PAX7: variants seen among roughly 807,000 people sequenced by gnomAD.
PAX7 encodes the protein paired box protein Pax-7.
Under a neutral mutation model 50.7 loss-of-function variants are expected in PAX7, and 18 were observed. That is an observed-to-expected ratio of 0.36 (90% CI 0.25 to 0.53). PAX7 has a LOEUF of 0.53. Among genes scored for constraint, PAX7 ranks in the 20% least tolerant of loss-of-function variants. The probability of loss-of-function intolerance (pLI) is 0.93; values close to 1 mark genes in which losing one functional copy is unlikely to be tolerated. For missense variants in PAX7, 644 were observed against 702.9 expected (o/e 0.92, Z 0.95); for synonymous variants, 310 against 290.4 (o/e 1.07, Z -0.69).
chr1:18,645,148 G>C (rs2088317700), intron 4 of PAX7, among the ~76,000 whole-genome samples: 2 of 152,200 alleles, frequency 1.3e-5, no homozygotes, highest in Admixed American at 1.3e-4. Context: ...GTGCGCGCGC[G>C]CGCGTGCGTG....
At chr1:18,655,609 C>A (rs183047337) in intron 4 of PAX7, among the ~76,000 whole-genome samples, 1 of 152,334 alleles carries the variant, frequency 6.6e-6, no homozygotes, top group East Asian at 1.9e-4. Context: ...GGTTTCCAGG[C>A]CTGTCAGCTG....
intron 7 of PAX7, among the ~76,000 whole-genome samples, chr1:18,704,233 G>GT (rs1182597923): frequency 6.6e-6 from 1 of 152,204 alleles, no homozygotes; most frequent in African/African-American, 2.4e-5. Flanking sequence ...CCAGCTCCCT[G>GT]TTTTTTGTAA....
At chr1:18,654,548 G>A (rs1218006156) in intron 4 of PAX7, among the ~76,000 whole-genome samples, 3 of 152,204 alleles carry the variant, frequency 2.0e-5, no homozygotes, top group Admixed American at 1.3e-4. Flanking sequence ...TTCCCAGCGA[G>A]TGGCAAGGTG....
At chr1:18,698,990 G>A (rs1031424140) in intron 5 of PAX7, among the ~76,000 whole-genome samples, 2 of 152,216 alleles carry the variant, frequency 1.3e-5, no homozygotes, top group Non-Finnish European at 2.9e-5. Context: ...GGTGCCAGGG[G>A]AGGTGGCGGC....
intron 6 of PAX7, among the ~76,000 whole-genome samples, chr1:18,702,003 C>G (rs941137220): frequency 1.3e-5 from 2 of 152,084 alleles, no homozygotes; most frequent in Admixed American, 6.5e-5. Context: ...CCCAGAAGCC[C>G]TGTCCCAGCA....
intron 4 of PAX7, among the ~76,000 whole-genome samples, chr1:18,665,169 T>A (rs2088651084): frequency 1.3e-5 from 2 of 152,002 alleles, no homozygotes; most frequent in South Asian, 4.2e-4. Flanking sequence ...GTTAGCAGCT[T>A]ATTATTATTT....
intron 7 of PAX7, among the ~76,000 whole-genome samples, chr1:18,725,133 TC>T (rs1327762464): frequency 1.3e-5 from 2 of 152,244 alleles, no homozygotes; most frequent in Non-Finnish European, 2.9e-5. Context: ...GGGATTTTGT[TC>T]CTGGGAGGGG....
intron 3 of PAX7, among the ~76,000 whole-genome samples, chr1:18,635,533 G>GGAAGGAAGGAAGGAAGGAAGGAAGGAAA (rs1557499981): frequency 2.0e-5 from 3 of 150,980 alleles, no homozygotes; most frequent in Non-Finnish European, 4.4e-5. Context: ...AAGGAAAGAA[G>GGAAGGAAGGAAGGAAGGAAGGAAGGAAA]GAAGGAAGGA....
At chr1:18,716,217 GT>G (rs1228274730) in intron 7 of PAX7, among the ~76,000 whole-genome samples, 1 of 152,220 alleles carries the variant, frequency 6.6e-6, no homozygotes, top group Non-Finnish European at 1.5e-5. Context: ...CCTGGGTCGG[GT>G]CCCCCAGGAC....
In PAX7 at chr1:18,748,706, G is replaced by A. The variant is rs182201648; in HGVS notation, c.*3777G>A. ...GGGGTGTGTGCGTGGGCGTGTGGGC[G>A]TGAGGTGTGTGTTTAAATATAATCA... On this transcript the variant is annotated 3_prime_UTR_variant, in exon 9 of 9. Transcript: ENST00000420770. 4.3e-5 allele frequency: 10 copies of A among 231,846 alleles called. No homozygotes were observed. The highest frequency in any genetic ancestry group is 1.1e-4 in the African/African-American group (5 of 45,318). The allele number at this position is 231,846 out of a possible 1,614,324, so 14.4% of individuals were successfully genotyped here.
At chr1:18,656,483 G>A (rs368725712) in intron 4 of PAX7, among the ~76,000 whole-genome samples, 1 of 151,782 alleles carries the variant, frequency 6.6e-6, no homozygotes, top group Non-Finnish European at 1.5e-5. Flanking sequence ...CTGGGTGACA[G>A]AGTGACGCTG....
chr1:18,639,361 C>A (rs1412795695), intron 4 of PAX7, among the ~76,000 whole-genome samples: 1 of 151,800 alleles, frequency 6.6e-6, no homozygotes, highest in Non-Finnish European at 1.5e-5. Flanking sequence ...CTCACTCCTG[C>A]TCCCCTTGGG....
chr1:18,717,005 G>A (rs1050918901), intron 7 of PAX7, among the ~76,000 whole-genome samples: 1 of 151,746 alleles, frequency 6.6e-6, no homozygotes, highest in Non-Finnish European at 1.5e-5. Context: ...ATCGGGTCTG[G>A]GGGGATCCGC....
intron 6 of PAX7, among the ~76,000 whole-genome samples, chr1:18,702,509 G>C (rs978642886): frequency 6.6e-6 from 1 of 152,094 alleles, no homozygotes; most frequent in Non-Finnish European, 1.5e-5. Context: ...CCTCTGCAAA[G>C]CTGCACAGAA....
intron 7 of PAX7, among the ~76,000 whole-genome samples, chr1:18,718,547 C>T (rs1013819173): frequency 1.3e-5 from 2 of 152,116 alleles, no homozygotes; most frequent in Non-Finnish European, 2.9e-5. Flanking sequence ...GTAAACCTCT[C>T]CCCAAGTGGA....
intron 4 of PAX7, among the ~76,000 whole-genome samples, chr1:18,639,558 T>C (rs2088217537): frequency 6.6e-6 from 1 of 152,068 alleles, no homozygotes; most frequent in Non-Finnish European, 1.5e-5. Context: ...CTCCCTCCTC[T>C]TCACCCCTTT....
chr1:18,661,449 G>GGGCAT (rs1553136060), intron 4 of PAX7, among the ~76,000 whole-genome samples: 3 of 152,172 alleles, frequency 2.0e-5, no homozygotes, highest in African/African-American at 7.2e-5. Flanking sequence ...GCTCCTTGAT[G>GGGCAT]GGCATGCAGA....
chr1:18,707,513 C>T (rs1205833072), intron 7 of PAX7, among the ~76,000 whole-genome samples: 2 of 150,278 alleles, frequency 1.3e-5, no homozygotes, highest in Non-Finnish European at 3.0e-5. Flanking sequence ...TCTGCCTCCT[C>T]CCAGGTTCAA....
intron 5 of PAX7, among the ~76,000 whole-genome samples, chr1:18,695,467 G>T (rs2089139024): frequency 6.6e-6 from 1 of 152,228 alleles, no homozygotes; most frequent in South Asian, 2.1e-4. Flanking sequence ...AGGTAAACAT[G>T]ATGTCAGGTG....
Sources: allele counts gnomAD v4.1 joint callset (sites outside exome capture counted in the v4.1 genomes callset), GRCh38; gene constraint gnomAD v4.1.1; transcripts MANE v1.5; gene names NCBI Gene and HGNC (gene_info 2026-07-23, HGNC 2026-07-21).